The following TAFA1 variants were observed in gnomAD, a reference collection of about 807,000 sequenced individuals.
TAFA1 encodes TAFA chemokine like family member 1.
A neutral mutation model predicts 18.5 loss-of-function variants in TAFA1; 4 were observed. The ratio of observed to expected loss-of-function variants is 0.22; its 90% confidence interval spans 0.11 to 0.49. The LOEUF (loss-of-function observed/expected upper bound fraction) is 0.49, where lower values mean the gene tolerates loss of function less well. Ranked by LOEUF, TAFA1 falls within the 20% of genes least tolerant of loss-of-function variation. TAFA1 has a pLI of 0.98. For synonymous variants in TAFA1, 56 were observed against 55.2 expected, an observed-to-expected ratio of 1.01 and a Z score of -0.06; for missense variants, 147 against 169.0, an observed-to-expected ratio of 0.87 and a Z score of 0.72.
At chr3:68,319,731 T>G (rs2068667581) in intron 2 of TAFA1, among the ~76,000 whole-genome samples, 1 of 152,216 alleles carries the variant, frequency 6.6e-6, no homozygotes, top group African/African-American at 2.4e-5. Flanking sequence ...CAAAATGGAT[T>G]GAGAAATAAA....
chr3:68,290,966 T>C (rs1456769042), intron 2 of TAFA1, among the ~76,000 whole-genome samples: 1 of 152,156 alleles, frequency 6.6e-6, no homozygotes, highest in Admixed American at 6.5e-5. Flanking sequence ...CATGTTTTAT[T>C]TCACTCTGCT....
At position 68,493,814 on chromosome 3, in the gene TAFA1, C is replaced by T. The variant is rs754727570; in HGVS notation, c.260-44942C>T. On this transcript the variant is annotated intron_variant, in intron 3 of 4. Coordinates refer to ENST00000478136, the MANE Select transcript of TAFA1 (RefSeq NM_213609.4). ...AAACATTACTTTTATAAGTTTATGA[C>T]GTTTTCCTGCCCCATTCCCTGGAGG... 1.3e-4 allele frequency among the ~76,000 whole-genome samples: 20 copies of T among 152,246 alleles called. 1 individual carries two copies. Among genetic ancestry groups the T allele is most frequent in the South Asian group, 1.0e-3 (5 of 4,814 alleles).
At chr3:68,302,706 T>C in intron 2 of TAFA1, among the ~76,000 whole-genome samples, 1 of 152,148 alleles carries the variant, frequency 6.6e-6, no homozygotes, top group Non-Finnish European at 1.5e-5. Context: ...CAGGAAGCAG[T>C]CTCTCCTACA....
At chr3:68,036,955 C>T (rs567858772) in intron 2 of TAFA1, among the ~76,000 whole-genome samples, 1 of 152,072 alleles carries the variant, frequency 6.6e-6, no homozygotes, top group East Asian at 1.9e-4. Context: ...AGTGCTAAGT[C>T]CCTCACCAGG....
At chr3:68,490,051 G>T (rs1460493137) in intron 3 of TAFA1, among the ~76,000 whole-genome samples, 1 of 152,200 alleles carries the variant, frequency 6.6e-6, no homozygotes, top group African/African-American at 2.4e-5. Context: ...AATAGCATTT[G>T]TTGCCAATGA....
At chr3:68,107,530 A>G (rs2065216785) in intron 2 of TAFA1, among the ~76,000 whole-genome samples, 1 of 152,128 alleles carries the variant, frequency 6.6e-6, no homozygotes, top group Non-Finnish European at 1.5e-5. Context: ...AACATGAATG[A>G]AGCTAAATCT....
intron 3 of TAFA1, among the ~76,000 whole-genome samples, chr3:68,487,806 C>CAA (rs540869246): frequency 5.1e-5 from 5 of 97,554 alleles, no homozygotes; most frequent in Non-Finnish European, 6.5e-5. Flanking sequence ...TTCTCTGTAC[C>CAA]AAAAGAAAAA....
chr3:68,058,986 AT>A (rs915064314), intron 2 of TAFA1, among the ~76,000 whole-genome samples: 6 of 152,144 alleles, frequency 3.9e-5, no homozygotes, highest in African/African-American at 1.4e-4. Flanking sequence ...TTGCTATTAT[AT>A]ATAAAATTCC....
At chr3:68,221,420 A>G (rs2066728604) in intron 2 of TAFA1, among the ~76,000 whole-genome samples, 1 of 152,202 alleles carries the variant, frequency 6.6e-6, no homozygotes, top group Non-Finnish European at 1.5e-5. Flanking sequence ...TTGATATATT[A>G]AATGAGAAAT....
intron 2 of TAFA1, among the ~76,000 whole-genome samples, chr3:68,093,288 C>T (rs1448841777): frequency 6.6e-6 from 1 of 152,068 alleles, no homozygotes; most frequent in Non-Finnish European, 1.5e-5. Flanking sequence ...GTTCTTCCCA[C>T]CTAGGCTTTC....
intron 2 of TAFA1, among the ~76,000 whole-genome samples, chr3:68,394,748 G>A (rs1202437030): frequency 1.3e-5 from 2 of 152,130 alleles, no homozygotes; most frequent in African/African-American, 4.8e-5. Context: ...CTAGCCATAT[G>A]CAGAAAACTG....
chr3:68,076,143 G>C (rs1242270217), intron 2 of TAFA1, among the ~76,000 whole-genome samples: 1 of 152,178 alleles, frequency 6.6e-6, no homozygotes. Flanking sequence ...AAGTTGAATG[G>C]AAAGGCAAAG....
chr3:68,490,646 A>T (rs1575917578), intron 3 of TAFA1, among the ~76,000 whole-genome samples: 1 of 152,008 alleles, frequency 6.6e-6, no homozygotes, highest in African/African-American at 2.4e-5. Flanking sequence ...CTTCTTGCTA[A>T]TTTTTTTTGT....
intron 2 of TAFA1, among the ~76,000 whole-genome samples, chr3:68,029,005 G>A (rs1704876296): frequency 6.6e-6 from 1 of 151,810 alleles, no homozygotes; most frequent in Admixed American, 6.6e-5. Context: ...CACTTACCTT[G>A]GTTTCTCAAA....
At chr3:68,103,945 T>G (rs771207468) in intron 2 of TAFA1, among the ~76,000 whole-genome samples, 7 of 152,176 alleles carry the variant, frequency 4.6e-5, no homozygotes, top group African/African-American at 1.7e-4. Flanking sequence ...TGAACCCAGG[T>G]CTTCAGACAG....
chr3:68,233,401 A>G (rs1171076778), intron 2 of TAFA1, among the ~76,000 whole-genome samples: 1 of 152,112 alleles, frequency 6.6e-6, no homozygotes, highest in Non-Finnish European at 1.5e-5. Flanking sequence ...TCTTTCCTCA[A>G]TGTATGTTCT....
At chr3:68,187,251 G>A (rs2066282284) in intron 2 of TAFA1, among the ~76,000 whole-genome samples, 1 of 151,808 alleles carries the variant, frequency 6.6e-6, no homozygotes, top group Admixed American at 6.6e-5. Flanking sequence ...GGGGAGTATA[G>A]CATATAAAAA....
intron 2 of TAFA1, among the ~76,000 whole-genome samples, chr3:68,290,177 G>A (rs4241390): frequency 0.74 from 113,276 of 152,060 alleles, 43,074 homozygotes; most frequent in East Asian, 0.92. Flanking sequence ...GCAGGAAAAA[G>A]TTACTTCTTT....
chr3:68,339,827 AG>A lies in TAFA1; in HGVS notation c.119-77449del, dbSNP rs569438595. Among the ~76,000 whole-genome samples, 18 of 152,224 alleles carry A rather than the reference AG, an allele frequency of 1.2e-4. No homozygotes were observed. In the South Asian group the frequency reaches 2.1e-3, roughly 18 times the overall value. On this transcript the variant is annotated intron_variant, in intron 2 of 4. Transcript: ENST00000478136. Reference sequence around the variant, plus strand: ...AACCATCTCTAAAAGAGAGGGGTGGAGGGGCTATGATTTGTACTGTTCACCG... The same window carrying A: ...AACCATCTCTAAAAGAGAGGGGTGGAGGGCTATGATTTGTACTGTTCACCG...
Sources: allele counts gnomAD v4.1 joint callset (sites outside exome capture counted in the v4.1 genomes callset), GRCh38; gene constraint gnomAD v4.1.1; transcripts MANE v1.5; gene names NCBI Gene and HGNC (gene_info 2026-07-23, HGNC 2026-07-21).